TRAPPC9: variants seen among roughly 807,000 people sequenced by gnomAD.
The protein encoded by TRAPPC9 is trafficking protein particle complex subunit 9.
A neutral mutation model predicts 124.0 loss-of-function variants in TRAPPC9; 83 were observed. The ratio of observed to expected loss-of-function variants is 0.67; its 90% CI spans 0.56 to 0.80. The LOEUF (loss-of-function observed/expected upper bound fraction) is 0.80. Ranked by LOEUF, TRAPPC9 falls within the 30% of genes least tolerant of loss-of-function variation. The pLI, the probability that TRAPPC9 is intolerant of heterozygous loss-of-function variation, is 0.00. For synonymous variants in TRAPPC9, 638 were observed against 617.5 expected, an observed-to-expected ratio of 1.03 and a Z score of -0.49; for missense variants, 1,302 against 1,508.3, an observed-to-expected ratio of 0.86 and a Z score of 2.27.
At chr8:140,191,367 C>A (rs565382189) in intron 17 of TRAPPC9, among the ~76,000 whole-genome samples, 2 of 152,270 alleles carry the variant, frequency 1.3e-5, no homozygotes, top group South Asian at 2.1e-4. Context: ...TATGTCCCCA[C>A]CAAATCTCAC....
intron 20 of TRAPPC9, among the ~76,000 whole-genome samples, chr8:139,886,246 C>G (rs1461342006): frequency 6.6e-6 from 1 of 152,134 alleles, no homozygotes; most frequent in Admixed American, 6.5e-5. Flanking sequence ...AATTTTAATC[C>G]AACAACTATT....
chr8:139,865,462 C>T (rs1437124128), intron 21 of TRAPPC9, among the ~76,000 whole-genome samples: 1 of 152,190 alleles, frequency 6.6e-6, no homozygotes, highest in East Asian at 1.9e-4. Flanking sequence ...GAAACAGACA[C>T]AGATCATCAA....
At chr8:139,927,977 G>A (rs1832908702) in intron 19 of TRAPPC9, among the ~76,000 whole-genome samples, 1 of 152,182 alleles carries the variant, frequency 6.6e-6, no homozygotes, top group Non-Finnish European at 1.5e-5. Context: ...AGAACTTTTG[G>A]GGGTGATAGC....
chr8:139,930,212 G>A (rs958079541), intron 19 of TRAPPC9, among the ~76,000 whole-genome samples: 27 of 152,154 alleles, frequency 1.8e-4, no homozygotes, highest in African/African-American at 5.1e-4. Context: ...AGCCTTCTAC[G>A]CACTATCTTA....
intron 17 of TRAPPC9, among the ~76,000 whole-genome samples, chr8:140,032,407 C>A (rs999346340): frequency 8.4e-6 from 1 of 119,268 alleles, no homozygotes; most frequent in African/African-American, 2.6e-5. Context: ...AACTTTTCCT[C>A]CCCCCCCACC....
intron 16 of TRAPPC9, among the ~76,000 whole-genome samples, chr8:140,233,482 G>A (rs1296501445): frequency 2.0e-5 from 3 of 152,002 alleles, no homozygotes; most frequent in East Asian, 1.9e-4. Flanking sequence ...GGGATTACAG[G>A]TGTGAGACAC....
At chr8:140,209,516 AT>A (rs2131235417) in intron 17 of TRAPPC9, among the ~76,000 whole-genome samples, 1 of 152,310 alleles carries the variant, frequency 6.6e-6, no homozygotes, top group East Asian at 1.9e-4. Context: ...TACATTTCTT[AT>A]TAAGTTTTGA....
intron 17 of TRAPPC9, among the ~76,000 whole-genome samples, chr8:140,174,419 G>A (rs1587857156): frequency 2.0e-5 from 3 of 152,200 alleles, no homozygotes; most frequent in South Asian, 4.2e-4. Context: ...TAATTCACAC[G>A]CCATAAAATT....
At chr8:139,804,195 GCAC>G (rs1329916573) in intron 21 of TRAPPC9, among the ~76,000 whole-genome samples, 4 of 67,768 alleles carry the variant, frequency 5.9e-5, no homozygotes, top group Non-Finnish European at 8.3e-5. Context: ...CCGCCACCAA[GCAC>G]CACCGCCACC....
chr8:139,838,587 T>G (rs10090996), intron 21 of TRAPPC9, among the ~76,000 whole-genome samples: 84,492 of 151,892 alleles, frequency 0.56, 26,104 homozygotes, highest in African/African-American at 0.81. Context: ...CCCTGGCGGG[T>G]CTCCTTGGCC....
intron 17 of TRAPPC9, among the ~76,000 whole-genome samples, chr8:140,105,615 A>G (rs1485579395): frequency 6.6e-6 from 1 of 152,026 alleles, no homozygotes; most frequent in Non-Finnish European, 1.5e-5. Context: ...AGCTCCATCT[A>G]TGCTTCTCTT....
intron 20 of TRAPPC9, among the ~76,000 whole-genome samples, chr8:139,890,788 T>C (rs1830290055): frequency 6.6e-6 from 1 of 151,802 alleles, no homozygotes; most frequent in African/African-American, 2.4e-5. Context: ...ATGGCACATG[T>C]ATACGTATGT....
chr8:139,873,263 C>G (rs1224189092), intron 21 of TRAPPC9, among the ~76,000 whole-genome samples: 1 of 152,142 alleles, frequency 6.6e-6, no homozygotes, highest in African/African-American at 2.4e-5. Flanking sequence ...CATCTCCCAG[C>G]CTCATTTTCC....
chr8:139,825,703 A>G lies in TRAPPC9; in HGVS notation c.3055+60176T>C, dbSNP rs1182510875. Among the ~76,000 whole-genome samples, 3 of 152,172 alleles carry G rather than the reference A, an allele frequency of 2.0e-5. No homozygotes were observed. Among genetic ancestry groups the G allele is most frequent in the Non-Finnish European group, 4.4e-5 (3 of 68,030 alleles). ...CTTCTGCAGGACACAGCCAGTGATC[A>G]GACGCCCCGTGGAGGATACCGCCGA... On this transcript the variant is annotated intron_variant, in intron 21 of 22. Transcript: ENST00000438773. The surrounding 1 kb of genome is among the most constrained non-coding windows in gnomAD (Gnocchi z 4.6).
chr8:139,824,471 GGCGACTTTCCAAAGGAT>G (rs1255353311), intron 21 of TRAPPC9, among the ~76,000 whole-genome samples: 1 of 152,190 alleles, frequency 6.6e-6, no homozygotes, highest in Non-Finnish European at 1.5e-5. Flanking sequence ...GTCTGAGCAG[GGCGACTTTCCAAAGGAT>G]GCTCCATGGG....
At chr8:139,946,576 T>C (rs894296207) in intron 19 of TRAPPC9, among the ~76,000 whole-genome samples, 4 of 151,888 alleles carry the variant, frequency 2.6e-5, no homozygotes, top group African/African-American at 9.7e-5. Flanking sequence ...TAGCAAGGTA[T>C]GCCAGTGTCT....
intron 11 of TRAPPC9, among the ~76,000 whole-genome samples, chr8:140,297,385 A>C (rs570335370): frequency 3.6e-5 from 5 of 138,190 alleles, no homozygotes; most frequent in Admixed American, 1.4e-4. Context: ...CAATATACAC[A>C]TGCATACACA....
chr8:140,449,199 A>G lies in TRAPPC9; in HGVS notation c.584+1591T>C, dbSNP rs911235130. Among the ~76,000 whole-genome samples the G allele has an allele frequency of 9.2e-5, 14 of 152,214 alleles. 1 individual carries two copies. Among genetic ancestry groups the G allele is most frequent in the Admixed American group, 8.5e-4 (13 of 15,280 alleles). On this transcript the variant is annotated intron_variant, in intron 2 of 22. Transcript: ENST00000438773. ...CCAGAACGACACCGTGTGACCTTAG[A>G]TAAATTTCAGAAACATACTGAGCAC...
chr8:140,196,027 A>G (rs1231020041), intron 17 of TRAPPC9, among the ~76,000 whole-genome samples: 6 of 145,970 alleles, frequency 4.1e-5, no homozygotes, highest in East Asian at 2.1e-4. Context: ...TGTACAGCTC[A>G]CACCTGTGAC....
Sources: gnomAD v4.1 joint callset for allele counts (sites outside exome capture counted in the v4.1 genomes callset) on GRCh38, gnomAD v4.1.1 for gene constraint, Gnocchi (gnomAD v3.1) non-coding constraint, MANE v1.5 for transcripts, NCBI Gene and HGNC (gene_info 2026-07-23, HGNC 2026-07-21) for gene names.